Variants in MDM2 observed in about 807,000 individuals in gnomAD.
MDM2 encodes the protein E3 ubiquitin-protein ligase Mdm2.
In MDM2, 11 loss-of-function variants were observed where a neutral mutation model predicts 64.3. That is an observed-to-expected ratio of 0.17 (90% CI 0.11 to 0.28). MDM2 has a LOEUF of 0.28. Among genes scored for constraint, MDM2 ranks in the 10% least tolerant of loss-of-function variants. MDM2 has a pLI of 1.00. For synonymous variants in MDM2, 194 were observed against 192.9 expected (o/e 1.01, Z -0.05); for missense variants, 388 against 577.1 (o/e 0.67, Z 3.36).
chr12:68,820,930 A>G (rs1881787506), intron 5 of MDM2, among the ~76,000 whole-genome samples: 1 of 152,110 alleles, frequency 6.6e-6, no homozygotes, highest in African/African-American at 2.4e-5. Context: ...TAAGTGTTTT[A>G]CAACCTACTT....
Position 68,817,085 on chromosome 12 carries a change from G to C in MDM2, c.308+140G>C, listed in dbSNP as rs892607858. The C allele has an allele frequency of 7.4e-6, 7 of 946,048 alleles. No homozygotes were observed. The South Asian group carries it at 1.1e-4, about 15-fold the overall frequency. The allele number at this position is 946,048 out of a possible 1,614,324, so 58.6% of individuals were successfully genotyped here. On this transcript the variant is annotated intron_variant, in intron 4 of 10. Transcript: ENST00000258149. Reference sequence around the variant, plus strand: ...TGAAACTTAATTTTTTAGCTCTGCGGCATATTATTTGAGAACCTGAGCTCT... The same window carrying C: ...TGAAACTTAATTTTTTAGCTCTGCGCCATATTATTTGAGAACCTGAGCTCT...
chr12:68,811,428 T>C (rs920780729), intron 2 of MDM2, among the ~76,000 whole-genome samples: 3 of 152,156 alleles, frequency 2.0e-5, no homozygotes, highest in African/African-American at 7.2e-5. Context: ...ATCTTGCAAA[T>C]ATATTCCTAT....
At chr12:68,847,459 T>TTTTTTTTC (rs1884405145), downstream of MDM2, 1 of 119,390 alleles carries the variant, frequency 8.4e-6, no homozygotes, top group Non-Finnish European at 1.7e-5. Context: ...TTTCTTTTTT[T>TTTTTTTTC]TTTTTTTTTT....
intron 8 of MDM2, among the ~76,000 whole-genome samples, chr12:68,834,978 T>C (rs951481115): frequency 2.0e-5 from 3 of 152,150 alleles, no homozygotes; most frequent in African/African-American, 7.2e-5. Context: ...GAATTTTTTT[T>C]AATTGTCTAA....
intron 7 of MDM2, among the ~76,000 whole-genome samples, chr12:68,827,966 A>G (rs1256925604): frequency 2.0e-5 from 3 of 152,150 alleles, no homozygotes; most frequent in Admixed American, 6.5e-5. Context: ...CCCTGTCTCT[A>G]CCAAAAATAC....
At chr12:68,824,194 C>T (rs1882105662) in intron 5 of MDM2, 169 bp from the exon 6 acceptor site, 1 of 569,472 alleles carries the variant, frequency 1.8e-6, no homozygotes, top group East Asian at 2.9e-5. Flanking sequence ...ATTTTATTTA[C>T]ATCTGCAACA....
intron 10 of MDM2, among the ~76,000 whole-genome samples, chr12:68,838,964 CAT>C (rs1883521202): frequency 6.6e-6 from 1 of 152,084 alleles, no homozygotes; most frequent in Non-Finnish European, 1.5e-5. Flanking sequence ...TTTTGACACA[CAT>C]GTAAATAGTG....
intron 8 of MDM2, among the ~76,000 whole-genome samples, chr12:68,833,169 T>G (rs1180591986): frequency 1.5e-5 from 2 of 131,544 alleles, no homozygotes; most frequent in African/African-American, 5.6e-5. Context: ...TATATATATT[T>G]ATATTTAAAT....
chr12:68,832,193 T>C (rs913496180), intron 8 of MDM2, among the ~76,000 whole-genome samples: 3 of 152,206 alleles, frequency 2.0e-5, no homozygotes, highest in African/African-American at 7.2e-5. Context: ...GTAGTCATCA[T>C]TGGGTGTCAT....
chr12:68,835,519 T>C (rs948412686), intron 8 of MDM2, among the ~76,000 whole-genome samples: 6 of 152,254 alleles, frequency 3.9e-5, no homozygotes, highest in Admixed American at 6.5e-5. Flanking sequence ...TTGGTGTTTT[T>C]CCTTTATGCA....
At position 68,836,705 on chromosome 12, in the gene MDM2, A is replaced by C; in HGVS notation, c.874A>C (p.Ser292Arg). 6.2e-7 allele frequency: 1 copy of C among 1,611,952 alleles called. No individual in the cohort carries two copies. The highest frequency in any genetic ancestry group is 8.5e-7 in the Non-Finnish European group (1 of 1,178,308). The part of the protein sequence containing the change: ...YQVTVYQAGE[S>R]DTDSFEEDPE... ...AGTTACTGTGTATCAGGCAGGGGAG[A>C]GTGATACAGATTCATTTGAAGAAGA... The change falls in exon 10 of 11, where the codon AGT becomes CGT. Residue 292 changes from serine to arginine, a missense_variant. Around this residue, in one of 5 missense-constraint regions of MDM2, gnomAD observed 168 missense variants for 236.6 expected, o/e 0.71. Transcript: ENST00000258149.
At chr12:68,810,813 AATTC>A (rs970112237) in intron 2 of MDM2, among the ~76,000 whole-genome samples, 1 of 149,918 alleles carries the variant, frequency 6.7e-6, no homozygotes, top group African/African-American at 2.5e-5. Flanking sequence ...CCATTGTTTA[AATTC>A]ATTTTTCTCT....
chr12:68,828,497 C>G (rs1388910008), intron 7 of MDM2: 2 of 301,614 alleles, frequency 6.6e-6, no homozygotes, highest in East Asian at 1.3e-4. Context: ...TCACTTGAGC[C>G]CATGAGGCAG....
chr12:68,812,045 T>C (rs944726973), intron 2 of MDM2, among the ~76,000 whole-genome samples: 1 of 152,202 alleles, frequency 6.6e-6, no homozygotes, highest in African/African-American at 2.4e-5. Flanking sequence ...TGCACCTGGC[T>C]TCCATTACAG....
intron 8 of MDM2, among the ~76,000 whole-genome samples, chr12:68,834,924 AATTT>A (rs1177492810): frequency 1.3e-5 from 2 of 152,156 alleles, no homozygotes; most frequent in African/African-American, 4.8e-5. Context: ...GTTCTTATAC[AATTT>A]ATTGAAGTCC....
Position 68,842,058 on chromosome 12 carries a change from G to T in MDM2, c.*2209G>T. The T allele has an allele frequency of 2.5e-6, 1 of 406,974 alleles. No individual in the cohort carries two copies. The allele number at this position is 406,974 out of a possible 1,614,324, so 25.2% of individuals were successfully genotyped here. ...TTTAAAAGAAGTGCAATTCTCAAAA[G>T]GTTAGGTGGACTAAAGCATTCTGTA... On this transcript the variant is annotated 3_prime_UTR_variant, in exon 11 of 11. Coordinates refer to ENST00000258149, the MANE Select transcript of MDM2 (RefSeq NM_002392.6).
chr12:68,826,205 G>A lies in MDM2; in HGVS notation c.523+1554G>A, dbSNP rs144617645. On this transcript the variant is annotated intron_variant, in intron 7 of 10. Coordinates refer to ENST00000258149, the MANE Select transcript of MDM2 (RefSeq NM_002392.6). ...ACAGATAGTAAAAAATGCCAAAAGG[G>A]TGTCCTTTTGATCTATCAAATTAGT... Among the ~76,000 whole-genome samples, 10 of 152,100 alleles carry A rather than the reference G, an allele frequency of 6.6e-5. No homozygotes were observed. In the East Asian group the frequency reaches 1.7e-3, roughly 26 times the overall value.
At position 68,840,367 on chromosome 12, in the gene MDM2, A is replaced by G. The variant is rs1180741292; in HGVS notation, c.*518A>G. ...CACCGTGTTAGCCAGGATGGTCTCG[A>G]TCTCCTGACCTCGTGATCCGCCCAC... is the stretch of plus-strand genomic sequence containing the variant. On this transcript the variant is annotated 3_prime_UTR_variant, in exon 11 of 11. Coordinates refer to ENST00000258149, the MANE Select transcript of MDM2 (RefSeq NM_002392.6). 1 of 169,734 alleles carries G rather than the reference A, an allele frequency of 5.9e-6. No homozygotes were observed. The highest frequency in any genetic ancestry group is 1.3e-5 in the Non-Finnish European group (1 of 78,466). 10.5% of individuals were successfully genotyped at this position (169,734 alleles called of 1,614,324 possible).
At chr12:68,845,636 C>T (rs1011253543), downstream of MDM2, 3 of 176,456 alleles carry the variant, frequency 1.7e-5, no homozygotes, top group Non-Finnish European at 3.7e-5. Context: ...ATTCGATAGG[C>T]ATTTTCATGT....
Sources: allele counts gnomAD v4.1 joint callset (sites outside exome capture counted in the v4.1 genomes callset), GRCh38; gene constraint gnomAD v4.1.1; regional missense constraint gnomAD v4.1.1; transcripts MANE v1.5; gene names NCBI Gene and HGNC (gene_info 2026-07-23, HGNC 2026-07-21).